Variants in BEND7 observed in about 807,000 individuals in gnomAD.
BEND7 encodes the protein BEN domain-containing protein 7.
In BEND7, 28 loss-of-function variants were observed where a neutral mutation model predicts 50.9. That is an observed-to-expected ratio of 0.55 (90% CI 0.41 to 0.75). The LOEUF (loss-of-function observed/expected upper bound fraction) is 0.75. Among genes scored for constraint, BEND7 ranks in the 30% least tolerant of loss-of-function variants. BEND7 has a pLI of 0.00. For missense variants in BEND7, 477 were observed against 491.3 expected (o/e 0.97, Z 0.28); for synonymous variants, 170 against 183.9 (o/e 0.92, Z 0.61).
intron 2 of BEND7, among the ~76,000 whole-genome samples, chr10:13,513,204 G>A (rs1032312946): frequency 6.6e-6 from 1 of 152,104 alleles, no homozygotes; most frequent in Non-Finnish European, 1.5e-5. Flanking sequence ...CTACTTACAG[G>A]TCACAACCAC....
At chr10:13,512,278 A>C (rs1038657231) in intron 2 of BEND7, among the ~76,000 whole-genome samples, 15 of 152,332 alleles carry the variant, frequency 9.8e-5, no homozygotes, top group African/African-American at 3.1e-4. Context: ...CTTAGAAAAA[A>C]ACAAACTGGA....
chr10:13,505,108 C>T (rs2077775641), intron 2 of BEND7, among the ~76,000 whole-genome samples: 1 of 152,244 alleles, frequency 6.6e-6, no homozygotes, highest in African/African-American at 2.4e-5. Context: ...GTTGCCTTGG[C>T]ATCCATTTTA....
At chr10:13,492,969 C>A (rs2076774828) in intron 4 of BEND7, 93 bp from the exon 5 acceptor site, 2 of 1,431,438 alleles carry the variant, frequency 1.4e-6, no homozygotes, top group South Asian at 1.3e-5. Flanking sequence ...CAAACTGAAA[C>A]CGAAACGAGG....
intron 2 of BEND7, among the ~76,000 whole-genome samples, chr10:13,512,168 G>C (rs1255987954): frequency 6.6e-6 from 1 of 152,168 alleles, no homozygotes; most frequent in Non-Finnish European, 1.5e-5. Context: ...TGAGGCAGGA[G>C]GATCACTTGA....
rs375646028 is a variant in BEND7 at position 13,468,335 on chromosome 10, G to A, written c.1063+12564C>T. ...AACAAGTCAGGCTTGTCTATAAAGA[G>A]CGGGGAGAGAAGGGCACCACGGCCC... On this transcript the variant is annotated intron_variant, in intron 6 of 8. Transcript: ENST00000466271. Among the ~76,000 whole-genome samples the A allele has an allele frequency of 9.2e-5, 14 of 152,292 alleles. No individual in the cohort carries two copies. In the South Asian group the frequency reaches 2.9e-3, roughly 32 times the overall value.
intron 6 of BEND7, among the ~76,000 whole-genome samples, chr10:13,462,336 C>T (rs562320325): frequency 6.6e-6 from 1 of 152,254 alleles, no homozygotes; most frequent in African/African-American, 2.4e-5. Flanking sequence ...TACATGGTGG[C>T]AAGCAAGAGA....
At chr10:13,468,677 G>A (rs1393014492) in intron 6 of BEND7, among the ~76,000 whole-genome samples, 1 of 152,196 alleles carries the variant, frequency 6.6e-6, no homozygotes, top group Non-Finnish European at 1.5e-5. Context: ...GTGATGCACA[G>A]CTGGACCAGG....
chr10:13,522,070 T>A (rs2079114601), intron 2 of BEND7, among the ~76,000 whole-genome samples: 1 of 152,114 alleles, frequency 6.6e-6, no homozygotes, highest in South Asian at 2.1e-4. Context: ...ATAACTGAAC[T>A]GAATATTAAA....
chr10:13,479,070 G>A (rs1010437375), intron 6 of BEND7, among the ~76,000 whole-genome samples: 4 of 149,644 alleles, frequency 2.7e-5, no homozygotes, highest in African/African-American at 7.4e-5. Context: ...ACAATGGTGC[G>A]ATCTCAGCTT....
At chr10:13,449,225 T>C (rs1837143366) in intron 7 of BEND7, among the ~76,000 whole-genome samples, 1 of 152,192 alleles carries the variant, frequency 6.6e-6, no homozygotes, top group Non-Finnish European at 1.5e-5. Flanking sequence ...TTAGAAGACA[T>C]TATTTTCTTC....
At chr10:13,473,365 G>A (rs556308600) in intron 6 of BEND7, among the ~76,000 whole-genome samples, 53 of 149,282 alleles carry the variant, frequency 3.6e-4, no homozygotes, top group Middle Eastern at 3.6e-3. Context: ...GGCCGATATC[G>A]TCATCGCTGT....
At position 13,496,690 on chromosome 10, in the gene BEND7, C is replaced by T. The variant is rs573307198; in HGVS notation, c.571+76G>A. 2.0e-6 allele frequency: 3 copies of T among 1,506,016 alleles called. No homozygotes were observed. The African/African-American group carries it at 4.2e-5, about 21-fold the overall frequency. The allele number at this position is 1,506,016 out of a possible 1,614,324, so 93.3% of individuals were successfully genotyped here. A position where few individuals can be genotyped will look rare whatever the true frequency, so the allele number is the denominator to read the frequency against. On this transcript the variant is annotated intron_variant, in intron 4 of 8. Coordinates refer to ENST00000466271, the MANE Select transcript of BEND7 (RefSeq NM_001369863.1). ...TGAGAAGAAGGCTTTAATAAAAGCA[C>T]AATGAACATTCCAACGGAAGATGTC...
downstream of BEND7, chr10:13,439,279 T>G: frequency 6.2e-7 from 1 of 1,614,186 alleles, no homozygotes; most frequent in South Asian, 1.1e-5. Context: ...ACCTGAGTTA[T>G]GAGGAATGAA....
Position 13,507,214 on chromosome 10 carries a change from C to G in BEND7, c.146-7134G>C, listed in dbSNP as rs538507934. Among the ~76,000 whole-genome samples, 6 of 152,280 alleles carry G rather than the reference C, an allele frequency of 3.9e-5. No homozygotes were observed. In the South Asian group the frequency reaches 1.2e-3, roughly 32 times the overall value. On this transcript the variant is annotated intron_variant, in intron 2 of 8. Transcript: ENST00000466271. ...GTAGATATTTAAAAAGATCTGACCT[C>G]ATATGATTCCAAGCTGGTAAAGTGA...
Position 13,526,272 on chromosome 10 carries a change from G to A in BEND7, c.62-51C>T, listed in dbSNP as rs1564429361. 9 of 920,686 alleles carry A rather than the reference G, an allele frequency of 9.8e-6. No individual in the cohort carries two copies. The South Asian group carries it at 1.3e-4, about 14-fold the overall frequency. 57.0% of individuals were successfully genotyped at this position (920,686 alleles called of 1,614,324 possible). On this transcript the variant is annotated intron_variant, in intron 1 of 8. Coordinates refer to ENST00000466271, the MANE Select transcript of BEND7 (RefSeq NM_001369863.1). ...TAGAATCCTAAGGACCTCAAGATAG[G>A]AATAAGCAGTCAAGTCTAGAATCTC...
chr10:13,477,906 G>C (rs964040351), intron 6 of BEND7, among the ~76,000 whole-genome samples: 1 of 152,200 alleles, frequency 6.6e-6, no homozygotes, highest in East Asian at 1.9e-4. Context: ...CATGTGTGCA[G>C]GGTAGGGAAG....
intron 7 of BEND7, among the ~76,000 whole-genome samples, chr10:13,449,513 G>A (rs962873869): frequency 5.3e-5 from 8 of 152,182 alleles, no homozygotes; most frequent in Non-Finnish European, 7.3e-5. Flanking sequence ...GACATGAGTC[G>A]CGTTAATGTC....
intron 5 of BEND7, among the ~76,000 whole-genome samples, chr10:13,491,487 TATC>T (rs1202598510): frequency 6.6e-6 from 1 of 152,020 alleles, no homozygotes; most frequent in East Asian, 1.9e-4. Context: ...CATAGAACGT[TATC>T]ATCATTAATG....
intron 8 of BEND7, 170 bp from the exon 9 acceptor site, chr10:13,441,920 T>TA (rs1397104453): frequency 2.7e-5 from 18 of 663,846 alleles, no homozygotes; most frequent in Non-Finnish European, 4.6e-5. Flanking sequence ...GTCTAGTAGT[T>TA]AGATTGATTC....
Sources: gnomAD v4.1 joint callset for allele counts (sites outside exome capture counted in the v4.1 genomes callset) on GRCh38, gnomAD v4.1.1 for gene constraint, MANE v1.5 for transcripts, NCBI Gene and HGNC (gene_info 2026-07-23, HGNC 2026-07-21) for gene names.